Variants in PRKN observed in about 807,000 individuals in gnomAD.
PRKN encodes E3 ubiquitin-protein ligase parkin.
A neutral mutation model predicts 59.5 loss-of-function variants in PRKN; 56 were observed. The observed-to-expected ratio is 0.94, with a 90% CI of 0.76 to 1.18. The LOEUF (loss-of-function observed/expected upper bound fraction) is 1.18, where lower values mean the gene tolerates loss of function less well. Among genes scored for constraint, PRKN ranks in the 50% most tolerant of loss-of-function variants. The pLI, the probability that PRKN is intolerant of heterozygous loss-of-function variation, is 0.00. For synonymous variants in PRKN, 250 were observed against 222.1 expected (o/e 1.13, Z -1.12); for missense variants, 657 against 596.4 (o/e 1.10, Z -1.06).
At chr6:162,453,631 G>C (rs978617212) in intron 1 of PRKN, among the ~76,000 whole-genome samples, 1 of 152,070 alleles carries the variant, frequency 6.6e-6, no homozygotes, top group Non-Finnish European at 1.5e-5. Flanking sequence ...GGCCAGACAC[G>C]GTGGCTCACA....
At chr6:161,661,817 G>C (rs1784558399) in intron 7 of PRKN, among the ~76,000 whole-genome samples, 1 of 152,186 alleles carries the variant, frequency 6.6e-6, no homozygotes, top group Non-Finnish European at 1.5e-5. Flanking sequence ...GAGGTCAGGA[G>C]TTTAAGACCA....
In PRKN at chr6:161,349,220, T is replaced by G. The variant is rs541658812; in HGVS notation, c.*879A>C. On this transcript the variant is annotated 3_prime_UTR_variant, in exon 12 of 12. Transcript: ENST00000366898. This position sits in a 1 kb window ranked among gnomAD's most constrained non-coding sequence, Gnocchi z 5.5. Reference sequence around the variant, plus strand: ...CTTTATAGGCACTTTATCTATTAAATTTACAGTGGAGCCAAATGTATTAGC... The same window carrying G: ...CTTTATAGGCACTTTATCTATTAAAGTTACAGTGGAGCCAAATGTATTAGC... 4 of 221,206 alleles carry G rather than the reference T, an allele frequency of 1.8e-5. No individual in the cohort carries two copies. In the East Asian group the frequency reaches 2.7e-4, roughly 15 times the overall value. The allele number at this position is 221,206 out of a possible 1,614,324, so 13.7% of individuals were successfully genotyped here. A position where few individuals can be genotyped will look rare whatever the true frequency, so the allele number is the denominator to read the frequency against.
intron 7 of PRKN, among the ~76,000 whole-genome samples, chr6:161,713,520 TACTATC>T (rs1002980800): frequency 2.0e-5 from 3 of 152,192 alleles, no homozygotes. Flanking sequence ...CAAAATATAC[TACTATC>T]ACTCCAAAAT....
intron 1 of PRKN, among the ~76,000 whole-genome samples, chr6:162,683,361 A>G (rs1779843476): frequency 1.3e-5 from 2 of 152,184 alleles, no homozygotes; most frequent in African/African-American, 4.8e-5. Context: ...AGAAAATTCT[A>G]CTGTGAACGA....
chr6:161,589,778 C>CTTT (rs201984579), intron 7 of PRKN, among the ~76,000 whole-genome samples: 2 of 124,102 alleles, frequency 1.6e-5, no homozygotes, highest in African/African-American at 6.2e-5. Context: ...GGATTAAATT[C>CTTT]TTTTTTTTTT....
chr6:162,644,417 T>C (rs1778084477), intron 1 of PRKN, among the ~76,000 whole-genome samples: 1 of 152,194 alleles, frequency 6.6e-6, no homozygotes, highest in African/African-American at 2.4e-5. Context: ...TATCTAAAGA[T>C]AGGGCTGGTG....
At chr6:162,198,096 C>T (rs955598699) in intron 4 of PRKN, among the ~76,000 whole-genome samples, 1 of 152,164 alleles carries the variant, frequency 6.6e-6, no homozygotes, top group African/African-American at 2.4e-5. Flanking sequence ...GAGAGGCCAA[C>T]AGCTCTAGAA....
intron 1 of PRKN, among the ~76,000 whole-genome samples, chr6:162,469,909 G>C (rs1252671270): frequency 2.6e-5 from 4 of 152,168 alleles, no homozygotes; most frequent in Non-Finnish European, 5.9e-5. Flanking sequence ...GAAAGTGTGG[G>C]TGAATGGTAG....
chr6:161,975,414 AG>A (rs1780989804), intron 5 of PRKN, among the ~76,000 whole-genome samples: 1 of 152,214 alleles, frequency 6.6e-6, no homozygotes, highest in Non-Finnish European at 1.5e-5. Flanking sequence ...GAAAAACAAT[AG>A]ATTAATCAAC....
At chr6:162,526,611 TAA>T (rs35154184) in intron 1 of PRKN, among the ~76,000 whole-genome samples, 8 of 142,292 alleles carry the variant, frequency 5.6e-5, no homozygotes, top group Non-Finnish European at 7.7e-5. Flanking sequence ...GATCGCGCTT[TAA>T]AAAAAAAAAA....
At chr6:161,431,100 C>G (rs1788627556) in intron 9 of PRKN, among the ~76,000 whole-genome samples, 1 of 149,300 alleles carries the variant, frequency 6.7e-6, no homozygotes, top group Non-Finnish European at 1.5e-5. Flanking sequence ...GATCACTCCA[C>G]TGCACTTCAG....
At chr6:161,899,458 T>C (rs1777799805) in intron 6 of PRKN, among the ~76,000 whole-genome samples, 1 of 152,158 alleles carries the variant, frequency 6.6e-6, no homozygotes, top group African/African-American at 2.4e-5. Flanking sequence ...TTTTATCAAA[T>C]ATTTACCAAA....
chr6:162,575,632 GCTCCAGACCCATTTT>G (rs1780526636), intron 1 of PRKN, among the ~76,000 whole-genome samples: 2 of 152,048 alleles, frequency 1.3e-5, no homozygotes, highest in Admixed American at 6.6e-5. Context: ...AGATTTCTCA[GCTCCAGACCCATTTT>G]TATACAGACT....
intron 1 of PRKN, among the ~76,000 whole-genome samples, chr6:162,527,826 C>T (rs1349409527): frequency 6.6e-6 from 1 of 151,694 alleles, no homozygotes; most frequent in Non-Finnish European, 1.5e-5. Context: ...AATCTCATAT[C>T]CACCCTGGGA....
chr6:162,249,199 G>C (rs1779326260), intron 3 of PRKN, among the ~76,000 whole-genome samples: 1 of 152,174 alleles, frequency 6.6e-6, no homozygotes, highest in African/African-American at 2.4e-5. Context: ...TTAAAAAACT[G>C]TAAGTAGTAT....
Position 162,059,557 on chromosome 6 carries a change from A to G in PRKN, c.535-5383T>C, listed in dbSNP as rs563234680. On this transcript the variant is annotated intron_variant, in intron 4 of 11. Transcript: ENST00000366898. Reference sequence around the variant, plus strand: ...TTAATAGTTTTTAAATAGTAGCAAGAAAGGTCTTCAGATTAAAAAGGACTG... The same window carrying G: ...TTAATAGTTTTTAAATAGTAGCAAGGAAGGTCTTCAGATTAAAAAGGACTG... 2.0e-5 allele frequency among the ~76,000 whole-genome samples: 3 copies of G among 152,342 alleles called. No homozygotes were observed. In the South Asian group the frequency reaches 6.2e-4, roughly 32 times the overall value.
At chr6:162,328,765 G>A (rs1783429228) in intron 2 of PRKN, among the ~76,000 whole-genome samples, 2 of 152,158 alleles carry the variant, frequency 1.3e-5, no homozygotes, top group South Asian at 2.1e-4. Flanking sequence ...TGGACTGGAT[G>A]GAGGAGGAGC....
intron 1 of PRKN, among the ~76,000 whole-genome samples, chr6:162,627,308 G>A (rs1014528501): frequency 6.6e-6 from 1 of 152,076 alleles, no homozygotes; most frequent in African/African-American, 2.4e-5. Flanking sequence ...CAGAATAGAG[G>A]GCATTCAATG....
intron 1 of PRKN, among the ~76,000 whole-genome samples, chr6:162,484,457 T>C (rs1158097921): frequency 6.6e-6 from 1 of 152,176 alleles, no homozygotes; most frequent in Admixed American, 6.5e-5. Context: ...GGAAGGGGAC[T>C]CAGGCTGGAC....
Sources: allele counts gnomAD v4.1 joint callset (sites outside exome capture counted in the v4.1 genomes callset), GRCh38; gene constraint gnomAD v4.1.1; non-coding constraint Gnocchi (gnomAD v3.1); transcripts MANE v1.5; gene names NCBI Gene and HGNC (gene_info 2026-07-23, HGNC 2026-07-21).